Variants in PBRM1 observed in about 807,000 individuals in gnomAD.
PBRM1 encodes protein polybromo-1.
A neutral mutation model predicts 194.5 loss-of-function variants in PBRM1; 27 were observed. The ratio of observed to expected loss-of-function variants is 0.14; its 90% CI spans 0.10 to 0.19. The LOEUF (loss-of-function observed/expected upper bound fraction) is 0.19. PBRM1 is among the 10% of genes least tolerant of loss of function. PBRM1 has a pLI of 1.00. For missense variants in PBRM1, 1,466 were observed against 2,077.2 expected, an observed-to-expected ratio of 0.71 and a Z score of 5.72; for synonymous variants, 655 against 693.2, an observed-to-expected ratio of 0.94 and a Z score of 0.87.
chr3:52,610,228 C>CG (rs1287031090), intron 15 of PBRM1, among the ~76,000 whole-genome samples: 1 of 152,168 alleles, frequency 6.6e-6, no homozygotes, highest in Non-Finnish European at 1.5e-5. Flanking sequence ...GACATTCTAT[C>CG]ACCTCTGGTA....
chr3:52,671,624 G>A (rs529248955), intron 2 of PBRM1, among the ~76,000 whole-genome samples: 2 of 152,266 alleles, frequency 1.3e-5, no homozygotes, highest in South Asian at 4.1e-4. Flanking sequence ...GATATGATTG[G>A]GAAAATGCTT....
intron 11 of PBRM1, among the ~76,000 whole-genome samples, chr3:52,630,646 C>T (rs1379712956): frequency 1.3e-5 from 2 of 152,200 alleles, no homozygotes; most frequent in African/African-American, 4.8e-5. Context: ...GGCTCACAAT[C>T]CGCGGAAGGC....
intron 4 of PBRM1, among the ~76,000 whole-genome samples, chr3:52,660,287 G>A (rs1374797714): frequency 1.3e-5 from 2 of 152,124 alleles, no homozygotes. Context: ...GAAAGCATGG[G>A]CTGCTTCTCC....
chr3:52,608,131 C>T (rs931615758), intron 16 of PBRM1, among the ~76,000 whole-genome samples: 7 of 149,290 alleles, frequency 4.7e-5, no homozygotes, highest in African/African-American at 1.3e-4. Context: ...TTCCCTTAAG[C>T]GTAAGTCCTG....
intron 2 of PBRM1, among the ~76,000 whole-genome samples, chr3:52,670,512 C>T (rs1430154987): frequency 1.3e-5 from 2 of 152,166 alleles, no homozygotes; most frequent in African/African-American, 4.8e-5. Context: ...TCTTTCAAAA[C>T]AACTTTTCTC....
At position 52,659,710 on chromosome 3, in the gene PBRM1, A is replaced by G. The variant is rs574804658; in HGVS notation, c.529-1395T>C. 5.9e-5 allele frequency among the ~76,000 whole-genome samples: 9 copies of G among 152,304 alleles called. No homozygotes were observed. The South Asian group carries it at 1.7e-3, about 28-fold the overall frequency. On this transcript the variant is annotated intron_variant, in intron 4 of 29. Transcript: ENST00000296302. ...AGTGTTGGGATTGCAGGCGTGAGCC[A>G]CCGCACCAGACCCAAGAAAATCATC...
intron 22 of PBRM1, among the ~76,000 whole-genome samples, chr3:52,566,026 G>T (rs1230246605): frequency 1.3e-5 from 2 of 151,704 alleles, no homozygotes; most frequent in African/African-American, 4.8e-5. Context: ...CTCCAGCCTG[G>T]GCGAAAGAGC....
intron 7 of PBRM1, among the ~76,000 whole-genome samples, chr3:52,645,330 CT>C (rs556861073): frequency 0.043 from 6,074 of 140,822 alleles, 364 homozygotes; most frequent in African/African-American, 0.14. Flanking sequence ...TTCTTTCTTT[CT>C]TTTTTTTTTT....
At chr3:52,571,680 T>C (rs1336257416) in intron 22 of PBRM1, among the ~76,000 whole-genome samples, 1 of 109,718 alleles carries the variant, frequency 9.1e-6, no homozygotes. Flanking sequence ...TGAATGCAAA[T>C]GGTAATAATT....
intron 7 of PBRM1, among the ~76,000 whole-genome samples, chr3:52,647,226 C>T (rs1446155750): frequency 6.6e-6 from 1 of 151,512 alleles, no homozygotes; most frequent in African/African-American, 2.4e-5. Flanking sequence ...ACTGCACACT[C>T]CCTAGGATAT....
chr3:52,679,725 T>TA, upstream of PBRM1: 1 of 1,611,674 alleles, frequency 6.2e-7, no homozygotes, highest in Non-Finnish European at 8.5e-7. Context: ...ATCCAACTTC[T>TA]TCTATAAGAA....
chr3:52,546,061 A>C, downstream of PBRM1: 1 of 232,912 alleles, frequency 4.3e-6, no homozygotes, highest in Non-Finnish European at 8.5e-6. Context: ...TTCCTATAGC[A>C]CCTCTAGGCA....
intron 13 of PBRM1, among the ~76,000 whole-genome samples, chr3:52,622,321 G>A (rs1212172130): frequency 6.6e-6 from 1 of 151,110 alleles, no homozygotes; most frequent in Non-Finnish European, 1.5e-5. Context: ...CTGGGAGACA[G>A]GGAGAGACTC....
At position 52,609,376 on chromosome 3, in the gene PBRM1, C is replaced by T. The variant is rs200522912; in HGVS notation, c.2504G>A (p.Arg835His). The change falls in exon 16 of 30, where the codon CGT (arginine) becomes CAT (histidine). Residue 835 changes from arginine (R) to histidine (H), a missense_variant. Physicochemically the swap from Arg to His is conservative, Grantham distance 29. Coordinates refer to ENST00000296302, the Ensembl canonical transcript of PBRM1. The surrounding 1 kb of genome is among the most constrained non-coding windows in gnomAD (Gnocchi z 4.1). ...ATGCTCTTGAAATAAATCAAGCCGA[C>T]GGTAGCGATTATTTTCAACATTCTT... 182 of 1,613,638 alleles carry T rather than the reference C, an allele frequency of 1.1e-4. No individual in the cohort carries two copies. The highest frequency in any genetic ancestry group is 2.0e-4 in the African/African-American group (15 of 75,020).
chr3:52,666,718 C>T (rs1249376994), intron 3 of PBRM1, among the ~76,000 whole-genome samples: 3 of 151,294 alleles, frequency 2.0e-5, no homozygotes, highest in Non-Finnish European at 4.4e-5. Context: ...CGGTGAAATC[C>T]CGTCTCTATC....
chr3:52,553,819 G>A (rs1230594024), intron 27 of PBRM1, among the ~76,000 whole-genome samples: 1 of 151,892 alleles, frequency 6.6e-6, no homozygotes, highest in Non-Finnish European at 1.5e-5. Flanking sequence ...CCGCCACCAC[G>A]CCCAGCTAAT....
At chr3:52,643,462 G>C (rs13099479) in intron 8 of PBRM1, 119 bp from the exon 10 acceptor site, 5 of 692,900 alleles carry the variant, frequency 7.2e-6, no homozygotes, top group Admixed American at 4.5e-5. Flanking sequence ...AAATACTTCT[G>C]AACTTCTACT....
At chr3:52,652,487 G>C (rs968166551) in intron 5 of PBRM1, among the ~76,000 whole-genome samples, 7 of 149,088 alleles carry the variant, frequency 4.7e-5, no homozygotes, top group Admixed American at 6.7e-5. Context: ...AGGAGATTGA[G>C]ACCATCCTGG....
At chr3:52,614,559 C>A (rs2094845185) in intron 15 of PBRM1, among the ~76,000 whole-genome samples, 1 of 150,708 alleles carries the variant, frequency 6.6e-6, no homozygotes, top group Non-Finnish European at 1.5e-5. Flanking sequence ...TCTCTTCCAA[C>A]CTTTTTCTTC....
Sources: gnomAD v4.1 joint callset for allele counts (sites outside exome capture counted in the v4.1 genomes callset) on GRCh38, gnomAD v4.1.1 for gene constraint, Gnocchi (gnomAD v3.1) non-coding constraint, MANE v1.5 for transcripts, NCBI Gene and HGNC (gene_info 2026-07-23, HGNC 2026-07-21) for gene names.